MEI4: variants seen among roughly 807,000 people sequenced by gnomAD.
MEI4 encodes the protein meiosis-specific protein MEI4.
Under a neutral mutation model 31.4 loss-of-function variants are expected in MEI4, and 27 were observed. The ratio of observed to expected loss-of-function variants is 0.86; its 90% CI spans 0.63 to 1.19. The LOEUF (loss-of-function observed/expected upper bound fraction) is 1.19, where lower values mean the gene tolerates loss of function less well. MEI4 is among the 50% of genes most tolerant of loss of function. The pLI is 0.00. For missense variants in MEI4, 329 were observed against 398.9 expected, an observed-to-expected ratio of 0.82 and a Z score of 1.49; for synonymous variants, 122 against 145.4, an observed-to-expected ratio of 0.84 and a Z score of 1.16.
chr6:77,895,595 C>A (rs746874332), intron 4 of MEI4, among the ~76,000 whole-genome samples: 3 of 152,076 alleles, frequency 2.0e-5, no homozygotes, highest in Non-Finnish European at 4.4e-5. Context: ...CTTTAGAGTT[C>A]TTTTATACAG....
At chr6:77,763,481 A>G (rs1405174686) in intron 3 of MEI4, among the ~76,000 whole-genome samples, 1 of 152,192 alleles carries the variant, frequency 6.6e-6, no homozygotes, top group Admixed American at 6.5e-5. Flanking sequence ...CTCAGGTTCC[A>G]ACTGCAGCAA....
chr6:77,674,542 C>G (rs1051845338), intron 1 of MEI4, among the ~76,000 whole-genome samples: 2 of 152,114 alleles, frequency 1.3e-5, no homozygotes, highest in Non-Finnish European at 2.9e-5. Context: ...TGCACAGGTT[C>G]GTAGCCTAAG....
chr6:77,749,871 T>G (rs556426562), intron 2 of MEI4, among the ~76,000 whole-genome samples: 2 of 152,190 alleles, frequency 1.3e-5, no homozygotes, highest in South Asian at 4.2e-4. Context: ...GCCTGAGAGA[T>G]AGGTTGGGTT....
chr6:77,879,452 T>G (rs556800416), intron 4 of MEI4, among the ~76,000 whole-genome samples: 16 of 152,078 alleles, frequency 1.1e-4, no homozygotes, highest in Non-Finnish European at 2.2e-4. Context: ...TAATTATAAG[T>G]GGCTTATTCT....
chr6:77,738,922 A>G (rs1469073805), intron 2 of MEI4, among the ~76,000 whole-genome samples: 2 of 152,158 alleles, frequency 1.3e-5, no homozygotes, highest in South Asian at 2.1e-4. Context: ...TCCTTTGCCC[A>G]CTTTTTGATG....
intron 4 of MEI4, among the ~76,000 whole-genome samples, chr6:77,858,807 AT>A (rs5877572): frequency 0.14 from 20,614 of 149,798 alleles, 1,675 homozygotes; most frequent in East Asian, 0.38. Context: ...ATATACTACA[AT>A]TTTTTTTTTG....
At chr6:77,688,088 C>T (rs946088631) in intron 1 of MEI4, among the ~76,000 whole-genome samples, 3 of 152,146 alleles carry the variant, frequency 2.0e-5, no homozygotes, top group East Asian at 1.9e-4. Flanking sequence ...GAACTGGGGA[C>T]GAAGGCCAAA....
chr6:77,713,502 A>G (rs1766512706), intron 2 of MEI4, among the ~76,000 whole-genome samples: 1 of 152,136 alleles, frequency 6.6e-6, no homozygotes, highest in Admixed American at 6.6e-5. Flanking sequence ...GTGTTGTGTG[A>G]GTTTTTTTCT....
At chr6:77,762,692 T>G (rs551788945) in intron 3 of MEI4, among the ~76,000 whole-genome samples, 1 of 152,284 alleles carries the variant, frequency 6.6e-6, no homozygotes, top group South Asian at 2.1e-4. Flanking sequence ...ATAAACCAAT[T>G]TGTTTCATGT....
At chr6:77,665,154 G>T (rs1768598781) in intron 1 of MEI4, among the ~76,000 whole-genome samples, 1 of 151,804 alleles carries the variant, frequency 6.6e-6, no homozygotes, top group Non-Finnish European at 1.5e-5. Flanking sequence ...AAGGGATGGG[G>T]TGCAGAAATA....
chr6:77,907,438 T>A (rs1766322256), intron 4 of MEI4, among the ~76,000 whole-genome samples: 2 of 152,158 alleles, frequency 1.3e-5, no homozygotes, highest in Non-Finnish European at 2.9e-5. Flanking sequence ...GTTTCCAGCT[T>A]CATCCATGTC....
chr6:77,839,468 A>G (rs1160961088), intron 4 of MEI4, among the ~76,000 whole-genome samples: 1 of 152,088 alleles, frequency 6.6e-6, no homozygotes, highest in Admixed American at 6.6e-5. Context: ...TCTATGTAGG[A>G]AGGATATAAT....
At chr6:77,800,774 G>C (rs574064901) in intron 3 of MEI4, among the ~76,000 whole-genome samples, 62 of 152,248 alleles carry the variant, frequency 4.1e-4, no homozygotes, top group Non-Finnish European at 7.6e-4. Context: ...CATTGGTTCT[G>C]TTTATATGCT....
chr6:77,829,722 G>A (rs1030687858), intron 4 of MEI4, among the ~76,000 whole-genome samples: 2 of 152,032 alleles, frequency 1.3e-5, no homozygotes, highest in African/African-American at 4.8e-5. Context: ...TATTCCATTT[G>A]ACAGCTCATT....
chr6:77,742,869 A>T (rs967700778), intron 2 of MEI4, among the ~76,000 whole-genome samples: 6 of 152,150 alleles, frequency 3.9e-5, no homozygotes, highest in African/African-American at 1.4e-4. Context: ...ACCATTTATT[A>T]AATAGGGACT....
chr6:77,900,391 T>C (rs1766163975), intron 4 of MEI4, among the ~76,000 whole-genome samples: 1 of 152,036 alleles, frequency 6.6e-6, no homozygotes, highest in South Asian at 2.1e-4. Context: ...CTTCAATTCC[T>C]GTTCAATTCA....
chr6:77,748,714 T>C (rs1305485547), intron 2 of MEI4, among the ~76,000 whole-genome samples: 3 of 152,244 alleles, frequency 2.0e-5, no homozygotes, highest in African/African-American at 7.2e-5. Context: ...GTTTTTCTTT[T>C]CTAAGACATG....
intron 4 of MEI4, among the ~76,000 whole-genome samples, chr6:77,903,749 T>C (rs1766235456): frequency 6.6e-6 from 1 of 152,168 alleles, no homozygotes; most frequent in Admixed American, 6.6e-5. Flanking sequence ...TGAAATGATG[T>C]TTAATTTTGT....
chr6:77,902,033 C>T (rs760211982), intron 4 of MEI4, among the ~76,000 whole-genome samples: 1 of 151,962 alleles, frequency 6.6e-6, no homozygotes, highest in Non-Finnish European at 1.5e-5. Flanking sequence ...GGATTTATTT[C>T]TGGTTCACTG....
Sources: allele counts gnomAD v4.1 joint callset (sites outside exome capture counted in the v4.1 genomes callset), GRCh38; gene constraint gnomAD v4.1.1; transcripts MANE v1.5; gene names NCBI Gene and HGNC (gene_info 2026-07-23, HGNC 2026-07-21).